Variants in CNKSR2 observed in about 807,000 individuals in gnomAD.
The protein encoded by CNKSR2 is connector enhancer of kinase suppressor of Ras 2.
A neutral mutation model predicts 84.4 loss-of-function variants in CNKSR2; 14 were observed. That is an observed-to-expected ratio of 0.17 (90% CI 0.11 to 0.26). The LOEUF (loss-of-function observed/expected upper bound fraction) is 0.26, where lower values mean the gene tolerates loss of function less well. Ranked by LOEUF, CNKSR2 falls within the 10% of genes least tolerant of loss-of-function variation. The pLI, the probability that CNKSR2 is intolerant of heterozygous loss-of-function variation, is 1.00. For missense variants in CNKSR2, 485 were observed against 771.2 expected, an observed-to-expected ratio of 0.63 and a Z score of 4.40; for synonymous variants, 275 against 277.9, an observed-to-expected ratio of 0.99 and a Z score of 0.10.
At chrX:21,382,523 T>C (rs193160194) in intron 1 of CNKSR2, among the ~76,000 whole-genome samples, 1 of 111,207 alleles carries the variant, frequency 9.0e-6, no homozygotes, top group African/African-American at 3.3e-5. Flanking sequence ...CTATATATCT[T>C]AGAATGCATG....
intron 1 of CNKSR2, among the ~76,000 whole-genome samples, chrX:21,378,493 G>A (rs750884459): frequency 1.3e-3 from 145 of 111,330 alleles, no homozygotes; most frequent in Non-Finnish European, 2.2e-3. Flanking sequence ...CACTTGCAGG[G>A]CCTGGAAATA....
Position 21,595,349 on chromosome X carries a change from A to G in CNKSR2, c.1930A>G (p.Ile644Val). 1 of 1,195,095 alleles carries G rather than the reference A, an allele frequency of 8.4e-7. No homozygotes were observed. The highest frequency in any genetic ancestry group is 1.1e-6 in the Non-Finnish European group (1 of 881,600). ...KYAFKACHPKIKSFYFAAEHL... is the reference protein window; with the variant it reads ...KYAFKACHPKVKSFYFAAEHL... ...TGCATTCAAAGCCTGTCATCCTAAA[A>G]TCAAAAGCTTTTATTTTGCTGCTGA... The change falls in exon 17 of 22, where the codon ATC becomes GTC. Residue 644 changes from isoleucine (I) to valine (V), a missense_variant. Coordinates refer to ENST00000379510, the MANE Select transcript of CNKSR2 (RefSeq NM_014927.5).
intron 11 of CNKSR2, among the ~76,000 whole-genome samples, chrX:21,548,078 C>G (rs1399196593): frequency 8.9e-6 from 1 of 111,744 alleles, no homozygotes; most frequent in East Asian, 2.8e-4. Context: ...TAACTAAGAT[C>G]AGAGCAGAAC....
At chrX:21,461,993 T>C (rs2091066926) in intron 4 of CNKSR2, among the ~76,000 whole-genome samples, 1 of 112,167 alleles carries the variant, frequency 8.9e-6, no homozygotes, top group African/African-American at 3.2e-5. Flanking sequence ...TGTGTTCTTT[T>C]TGCTTAGGAT....
intron 20 of CNKSR2, among the ~76,000 whole-genome samples, chrX:21,647,312 G>T (rs983536217): frequency 8.9e-6 from 1 of 111,969 alleles, no homozygotes; most frequent in Non-Finnish European, 1.9e-5. Flanking sequence ...AGAGCCAAAA[G>T]TTGAATGTGG....
chrX:21,432,668 T>C lies in CNKSR2; in HGVS notation c.285T>C (p.Ser95=). 2 of 1,200,904 alleles carry C rather than the reference T, an allele frequency of 1.7e-6. No homozygotes were observed. The highest frequency in any genetic ancestry group is 2.2e-6 in the Non-Finnish European group (2 of 889,068). ...CCCTTTCTCACAAGTTGAATGCATC[T>C]GCCAAAAATCTGCAGAATTTTATAA... is the stretch of plus-strand genomic sequence containing the variant. ...LKTLSHKLNA[S]AKNLQNFITG... is the part of the protein sequence containing the mutation. Residue 95 remains serine (S), a synonymous_variant, in exon 3 of 22, where the codon TCT becomes TCC. Coordinates refer to ENST00000379510, the MANE Select transcript of CNKSR2 (RefSeq NM_014927.5).
intron 5 of CNKSR2, among the ~76,000 whole-genome samples, chrX:21,477,423 A>G (rs2091271591): frequency 9.1e-6 from 1 of 109,740 alleles, no homozygotes; most frequent in Non-Finnish European, 1.9e-5. Flanking sequence ...TTTTTCTCCA[A>G]GCTATTTTTT....
At chrX:21,476,242 A>G (rs1406112889) in intron 5 of CNKSR2, among the ~76,000 whole-genome samples, 2 of 111,528 alleles carry the variant, frequency 1.8e-5, no homozygotes, top group East Asian at 2.8e-4. Context: ...ATACCATACT[A>G]TAAAGAAGGT....
intron 5 of CNKSR2, among the ~76,000 whole-genome samples, chrX:21,473,154 T>C (rs1013179863): frequency 9.0e-6 from 1 of 111,540 alleles, no homozygotes; most frequent in African/African-American, 3.3e-5. Flanking sequence ...ATATTTACCT[T>C]GGCAATTTTG....
intron 8 of CNKSR2, among the ~76,000 whole-genome samples, chrX:21,513,001 A>G (rs2091690400): frequency 8.9e-6 from 1 of 112,115 alleles, no homozygotes; most frequent in Non-Finnish European, 1.9e-5. Context: ...AGTTTACCTC[A>G]TTAGGCTTTT....
At chrX:21,473,128 T>C (rs983619926) in intron 5 of CNKSR2, among the ~76,000 whole-genome samples, 3 of 111,645 alleles carry the variant, frequency 2.7e-5, no homozygotes, top group African/African-American at 6.5e-5. Flanking sequence ...TGAAGGAGTT[T>C]AGAAATGAAT....
intron 13 of CNKSR2, among the ~76,000 whole-genome samples, chrX:21,584,977 C>G (rs1019995758): frequency 5.4e-5 from 6 of 110,379 alleles, no homozygotes; most frequent in Non-Finnish European, 1.1e-4. Flanking sequence ...CTTAGTGGCT[C>G]ACACCTGTAA....
chrX:21,452,057 G>T (rs376164724), intron 4 of CNKSR2, among the ~76,000 whole-genome samples: 1 of 111,055 alleles, frequency 9.0e-6, no homozygotes, highest in East Asian at 2.8e-4. Context: ...AGGGATTACA[G>T]TCTCAATCTA....
intron 20 of CNKSR2, chrX:21,644,395 G>A (rs773587246): frequency 7.1e-5 from 8 of 112,136 alleles, no homozygotes; most frequent in African/African-American, 2.3e-4. Context: ...TTACTTATTT[G>A]TTTTGTTTTC....
intron 4 of CNKSR2, among the ~76,000 whole-genome samples, chrX:21,469,046 G>A (rs2091164177): frequency 8.9e-6 from 1 of 112,274 alleles, no homozygotes; most frequent in Non-Finnish European, 1.9e-5. Flanking sequence ...ATATTTTAAA[G>A]ATACTTGAAA....
chrX:21,565,675 G>A (rs977322545), intron 13 of CNKSR2, among the ~76,000 whole-genome samples: 3 of 111,109 alleles, frequency 2.7e-5, no homozygotes, highest in African/African-American at 6.6e-5. Flanking sequence ...AGAAGGCTGG[G>A]TATTTCCTAA....
Position 21,440,642 on chromosome X carries a change from G to A in CNKSR2, c.432-52G>A, listed in dbSNP as rs2090770987. 3 of 662,172 alleles carry A rather than the reference G, an allele frequency of 4.5e-6. No homozygotes were observed. The South Asian group carries it at 9.1e-5, about 20-fold the overall frequency. The allele number at this position is 662,172 out of a possible 1,213,427, so 54.6% of individuals were successfully genotyped here. Reference sequence around the variant, plus strand: ...CTCATTTTAGGCTACTATATTTTGGGACTTTTCAAAAGCTGTTACTAGTAA... The same window carrying A: ...CTCATTTTAGGCTACTATATTTTGGAACTTTTCAAAAGCTGTTACTAGTAA... On this transcript the variant is annotated intron_variant, in intron 3 of 21. Transcript: ENST00000379510.
At chrX:21,605,156 G>T (rs766830187) in intron 18 of CNKSR2, among the ~76,000 whole-genome samples, 1 of 111,596 alleles carries the variant, frequency 9.0e-6, no homozygotes, top group African/African-American at 3.3e-5. Context: ...AGAGCACCAA[G>T]ATGGGAAGTG....
chrX:21,394,316 G>A (rs1015583808), intron 1 of CNKSR2, among the ~76,000 whole-genome samples: 1 of 111,164 alleles, frequency 9.0e-6, no homozygotes, highest in Non-Finnish European at 1.9e-5. Flanking sequence ...TTATGATATG[G>A]CATGAAAATA....
Sources: allele counts gnomAD v4.1 joint callset (sites outside exome capture counted in the v4.1 genomes callset), GRCh38; gene constraint gnomAD v4.1.1; transcripts MANE v1.5; gene names NCBI Gene and HGNC (gene_info 2026-07-23, HGNC 2026-07-21).